Variants in PREX1 observed in about 807,000 individuals in gnomAD.
PREX1 encodes phosphatidylinositol-3,4,5-trisphosphate dependent Rac exchange factor 1.
A neutral mutation model predicts 198.3 loss-of-function variants in PREX1; 41 were observed. The observed-to-expected ratio is 0.21, with a 90% CI of 0.16 to 0.27. The LOEUF is 0.27. PREX1 is among the 10% of genes least tolerant of loss of function. The pLI, the probability that PREX1 is intolerant of heterozygous loss-of-function variation, is 1.00. For synonymous variants in PREX1, 843 were observed against 887.2 expected, an observed-to-expected ratio of 0.95 and a Z score of 0.89; for missense variants, 1,620 against 2,200.7, an observed-to-expected ratio of 0.74 and a Z score of 5.28.
chr20:48,661,846 T>C (rs2089599003), intron 15 of PREX1, among the ~76,000 whole-genome samples: 1 of 151,826 alleles, frequency 6.6e-6, no homozygotes, highest in Non-Finnish European at 1.5e-5. Flanking sequence ...CTCCTCCTCC[T>C]CTCCCCACAC....
At chr20:48,792,818 A>ACACACT (rs1910180479) in intron 1 of PREX1, among the ~76,000 whole-genome samples, 1 of 15,202 alleles carries the variant, frequency 6.6e-5, no homozygotes, top group East Asian at 0.01. Context: ...AAAAAAAAAT[A>ACACACT]CACACACACA....
the PREX1 span, among the ~76,000 whole-genome samples, chr20:48,877,043 G>C: frequency 5.3e-5 from 8 of 152,202 alleles, no homozygotes; most frequent in Admixed American, 5.2e-4. Flanking sequence ...GCTGAGACGG[G>C]TGGATCACCT....
At chr20:48,749,456 G>C (rs1345348980) in intron 1 of PREX1, among the ~76,000 whole-genome samples, 1 of 152,202 alleles carries the variant, frequency 6.6e-6, no homozygotes, top group Non-Finnish European at 1.5e-5. Flanking sequence ...CTTGTCTAGG[G>C]AGATCTCTGA....
rs1311844653 is a variant in PREX1, at chr20:48,646,035, G to A, written c.3328C>T (p.Pro1110Ser). The A allele has an allele frequency of 1.9e-6, 3 of 1,613,794 alleles. No individual in the cohort carries two copies. Among genetic ancestry groups the A allele is most frequent in the East Asian group, 4.5e-5 (2 of 44,884 alleles). ...GCGTCGCAGGACCCACCCGAGGTGG[G>A]CTCTGTGATGGTGGACAGCAGCCTA... Reference protein sequence around the residue: ...INRLLSTITEPTSGGSCDASL... With the variant: ...INRLLSTITESTSGGSCDASL... The change falls in exon 26 of 40, where the codon CCC (proline) becomes TCC (serine). Residue 1110 changes from proline (P) to serine (S), a missense_variant. Physicochemically the swap from Pro to Ser is moderately conservative, Grantham distance 74. Coordinates refer to ENST00000371941, the MANE Select transcript of PREX1 (RefSeq NM_020820.4).
intron 30 of PREX1, among the ~76,000 whole-genome samples, chr20:48,639,264 C>G (rs1238241005): frequency 3.1e-4 from 47 of 152,202 alleles, no homozygotes; most frequent in Admixed American, 3.0e-3. Context: ...ACCAGATCTT[C>G]GTGTTGTTCA....
chr20:48,848,817 AC>A, the PREX1 span, among the ~76,000 whole-genome samples: 1 of 151,866 alleles, frequency 6.6e-6, no homozygotes, highest in African/African-American at 2.4e-5. Flanking sequence ...GCTCACTGCA[AC>A]CTCCGCCTCT....
Position 48,827,919 on chromosome 20 carries a change from C to T in PREX1, c.-59G>A. ...TCGCGCCGAGCGGCAACTCAGGCGT[C>T]CAGGCGCCCCATCCCGGACGGGGCG... On this transcript the variant is annotated 5_prime_UTR_variant, in exon 1 of 40. Transcript: ENST00000371941. The surrounding 1 kb of genome is among the most constrained non-coding windows in gnomAD (Gnocchi z 4.1). The T allele has an allele frequency of 2.8e-6, 2 of 719,076 alleles. No individual in the cohort carries two copies. The highest frequency in any genetic ancestry group is 3.4e-6 in the Non-Finnish European group (2 of 590,764). 44.5% of individuals were successfully genotyped at this position (719,076 alleles called of 1,614,324 possible).
Position 48,658,072 on chromosome 20 carries a change from T to C in PREX1, c.1974+64A>G, listed in dbSNP as rs1362316921. On this transcript the variant is annotated intron_variant, in intron 17 of 39. Transcript: ENST00000371941. Reference sequence around the variant, plus strand: ...CTGGGCTGGGCTGCCTCAAGGAGGGTGAAGAGAGACACCCCGCTCTGCCAC... The same window carrying C: ...CTGGGCTGGGCTGCCTCAAGGAGGGCGAAGAGAGACACCCCGCTCTGCCAC... The C allele has an allele frequency of 1.1e-5, 16 of 1,483,532 alleles. No homozygotes were observed. The East Asian group carries it at 3.5e-4, about 32-fold the overall frequency. The allele number at this position is 1,483,532 out of a possible 1,614,324, so 91.9% of individuals were successfully genotyped here.
chr20:48,659,572 T>G (rs1301840155), intron 16 of PREX1, among the ~76,000 whole-genome samples: 1 of 152,046 alleles, frequency 6.6e-6, no homozygotes, highest in Non-Finnish European at 1.5e-5. Flanking sequence ...AGCCTCTGTC[T>G]TGACTGCCTG....
chr20:48,780,892 A>G (rs2090286431), intron 1 of PREX1, among the ~76,000 whole-genome samples: 1 of 152,238 alleles, frequency 6.6e-6, no homozygotes, highest in South Asian at 2.1e-4. Context: ...GGCTTTCACC[A>G]TCTTAATTAA....
intron 29 of PREX1, among the ~76,000 whole-genome samples, 180 bp from the exon 30 acceptor site, chr20:48,640,074 C>A (rs2089397669): frequency 6.6e-6 from 1 of 152,142 alleles, no homozygotes; most frequent in African/African-American, 2.4e-5. Context: ...TTCATGGTAC[C>A]ACACCCATGG....
chr20:48,840,256 C>A, the PREX1 span, among the ~76,000 whole-genome samples: 17,883 of 151,732 alleles, frequency 0.12, 1,346 homozygotes, highest in Non-Finnish European at 0.16. Flanking sequence ...CTCAGGTGAT[C>A]CTCCTGCCTT....
intron 7 of PREX1, among the ~76,000 whole-genome samples, chr20:48,693,952 C>A (rs2089832843): frequency 6.6e-6 from 1 of 151,878 alleles, no homozygotes; most frequent in African/African-American, 2.4e-5. Context: ...CATTCTGTCA[C>A]CCAGGCTGGA....
chr20:48,656,667 C>G (rs767476641), intron 18 of PREX1, among the ~76,000 whole-genome samples: 1 of 152,212 alleles, frequency 6.6e-6, no homozygotes, highest in Admixed American at 6.5e-5. Context: ...CATCCCTCTG[C>G]ACACTCTGGC....
intron 10 of PREX1, among the ~76,000 whole-genome samples, chr20:48,687,140 C>T (rs1002963190): frequency 3.3e-5 from 5 of 152,208 alleles, no homozygotes; most frequent in South Asian, 2.1e-4. Context: ...CAGTTCAGGC[C>T]GTCTCATGGC....
rs1024896510 is a variant in PREX1, at chr20:48,666,023, A to C, written c.1738+260T>G. On this transcript the variant is annotated intron_variant, in intron 15 of 39. Transcript: ENST00000371941. The surrounding 1 kb of genome is among the most constrained non-coding windows in gnomAD (Gnocchi z 4.3). ...CTGGAAGGCCACATCCCCCCCAGGAAGAAGGGCACAGGAAACCCATGGGTT... is the reference window on the plus strand; with the variant it reads ...CTGGAAGGCCACATCCCCCCCAGGACGAAGGGCACAGGAAACCCATGGGTT... Among the ~76,000 whole-genome samples the C allele has an allele frequency of 2.6e-5, 4 of 152,224 alleles. No individual in the cohort carries two copies. The highest frequency in any genetic ancestry group is 7.2e-5 in the African/African-American group (3 of 41,456).
At chr20:48,774,736 G>A (rs1310031089) in intron 1 of PREX1, among the ~76,000 whole-genome samples, 1 of 152,256 alleles carries the variant, frequency 6.6e-6, no homozygotes, top group East Asian at 1.9e-4. Context: ...GGGAGTGGCT[G>A]GACCCGCACG....
At chr20:48,750,187 C>T (rs907469700) in intron 1 of PREX1, among the ~76,000 whole-genome samples, 12 of 152,194 alleles carry the variant, frequency 7.9e-5, no homozygotes, top group Non-Finnish European at 1.8e-4. Context: ...ACCAGCTTTA[C>T]CTGAATACTA....
At chr20:48,631,832 C>T (rs1373188132) in intron 35 of PREX1, among the ~76,000 whole-genome samples, 2 of 152,070 alleles carry the variant, frequency 1.3e-5, no homozygotes, top group Non-Finnish European at 2.9e-5. Flanking sequence ...CTGGCTCCTG[C>T]TCTCACCCCT....
Sources: allele counts gnomAD v4.1 joint callset (sites outside exome capture counted in the v4.1 genomes callset), GRCh38; gene constraint gnomAD v4.1.1; non-coding constraint Gnocchi (gnomAD v3.1); transcripts MANE v1.5; gene names NCBI Gene and HGNC (gene_info 2026-07-23, HGNC 2026-07-21).